ASRGL1: variants seen among roughly 807,000 people sequenced by gnomAD.
The protein encoded by ASRGL1 is asparaginase and isoaspartyl peptidase 1.
In ASRGL1, 16 loss-of-function variants were observed where a neutral mutation model predicts 22.4. That is an observed-to-expected ratio of 0.71 (90% CI 0.48 to 1.08). The LOEUF is 1.08. ASRGL1 is among the 50% of genes least tolerant of loss of function. ASRGL1 has a pLI of 0.00. For missense variants in ASRGL1, 412 were observed against 410.1 expected, an observed-to-expected ratio of 1.00 and a Z score of -0.04; for synonymous variants, 165 against 159.3, an observed-to-expected ratio of 1.04 and a Z score of -0.27.
intron 4 of ASRGL1, among the ~76,000 whole-genome samples, chr11:62,387,461 C>T (rs1325226972): frequency 1.3e-5 from 2 of 152,166 alleles, no homozygotes; most frequent in African/African-American, 2.4e-5. Context: ...CAAGAGATAT[C>T]GTGATCTGGA....
downstream of ASRGL1, among the ~76,000 whole-genome samples, chr11:62,394,211 TATATA>T (rs1947402239): frequency 3.8e-5 from 5 of 130,680 alleles, no homozygotes; most frequent in Admixed American, 1.6e-4. Flanking sequence ...TAATATATGA[TATATA>T]ATATTATATA....
intron 4 of ASRGL1, among the ~76,000 whole-genome samples, chr11:62,365,106 A>G (rs909935520): frequency 3.9e-5 from 6 of 152,052 alleles, no homozygotes; most frequent in African/African-American, 9.7e-5. Flanking sequence ...AATACATAGA[A>G]ACAATGAATG....
intron 2 of ASRGL1, among the ~76,000 whole-genome samples, chr11:62,348,403 T>C (rs1946083629): frequency 6.6e-6 from 1 of 151,808 alleles, no homozygotes; most frequent in Non-Finnish European, 1.5e-5. Context: ...GGGGCAGAGA[T>C]GAAATGAAAG....
rs1157277170 is a variant in ASRGL1, at chr11:62,392,150, C to T, written c.793C>T (p.Leu265Phe). The T allele has an allele frequency of 6.2e-7, 1 of 1,614,186 alleles. No individual in the cohort carries two copies. The highest frequency in any genetic ancestry group is 1.1e-5 in the South Asian group (1 of 91,080). The change falls in exon 7 of 7, where the codon CTC becomes TTC. Residue 265 changes from leucine to phenylalanine, a missense_variant. By Grantham distance (22) the Leu-to-Phe change is conservative. Transcript: ENST00000415229. ...GTCAAGGGTTAAAGGTTTAGGTGGC[C>T]TCATCGTGGTTAGCAAAACAGGAGA... ...MKSRVKGLGGLIVVSKTGDWV... is the reference protein window; with the variant it reads ...MKSRVKGLGGFIVVSKTGDWV...
intron 2 of ASRGL1, among the ~76,000 whole-genome samples, chr11:62,340,402 T>G (rs1297985690): frequency 1.3e-5 from 2 of 152,242 alleles, no homozygotes; most frequent in African/African-American, 4.8e-5. Context: ...GCTCTTTCTG[T>G]GGGTGACTTG....
At chr11:62,383,369 C>G (rs369876108) in intron 4 of ASRGL1, 1 of 151,568 alleles carries the variant, frequency 6.6e-6, no homozygotes, top group Admixed American at 6.6e-5. Flanking sequence ...TTTGGGAGGC[C>G]GAGGCGGGCG....
intron 2 of ASRGL1, among the ~76,000 whole-genome samples, chr11:62,338,985 AGGTTGAGGAGACCAAGATTTCCCT>A (rs1170200576): frequency 6.6e-6 from 1 of 151,336 alleles, no homozygotes; most frequent in African/African-American, 2.4e-5. Context: ...TTAAGATAAG[AGGTTGAGGAGACCAAGATTTCCCT>A]TAGGCAGAGG....
chr11:62,345,601 T>A (rs1405673373), intron 2 of ASRGL1, among the ~76,000 whole-genome samples: 1 of 152,086 alleles, frequency 6.6e-6, no homozygotes, highest in Non-Finnish European at 1.5e-5. Context: ...ATATTGCAAG[T>A]CCCCTGGTTA....
At chr11:62,354,036 C>G (rs1002220103) in intron 2 of ASRGL1, among the ~76,000 whole-genome samples, 1 of 152,218 alleles carries the variant, frequency 6.6e-6, no homozygotes, top group African/African-American at 2.4e-5. Context: ...GGCATGTAAT[C>G]AGGGCAGCAA....
Position 62,362,693 on chromosome 11 carries a change from T to TATATATTATATAAAA in ASRGL1, c.491+5549_491+5550insATATATTATATAAAA, listed in dbSNP as rs1565162501. Among the ~76,000 whole-genome samples, 5 of 80,020 alleles carry TATATATTATATAAAA rather than the reference T, an allele frequency of 6.2e-5. 1 individual carries two copies. Among genetic ancestry groups the TATATATTATATAAAA allele is most frequent in the African/African-American group, 2.7e-4 (5 of 18,854 alleles). 52.5% of individuals were successfully genotyped at this position (80,020 alleles called of 152,430 possible). On this transcript the variant is annotated intron_variant, in intron 4 of 6. Coordinates refer to ENST00000415229, the MANE Select transcript of ASRGL1 (RefSeq NM_001083926.2). ...TAATATATATTATATAAAATATATATTATATATTATATAAAATATATTATA... is the reference window on the plus strand; with the variant it reads ...TAATATATATTATATAAAATATATATATATATTATATAAAATATATATTATATAAAATATATTATA...
chr11:62,373,017 T>G, intron 4 of ASRGL1: 1 of 1,380,970 alleles, frequency 7.2e-7, no homozygotes, highest in Non-Finnish European at 1.0e-6. Flanking sequence ...CAAGCCCAAG[T>G]CTTCCACTGC....
chr11:62,384,556 A>G lies in ASRGL1; in HGVS notation c.492-4577A>G, dbSNP rs192524388. Among the ~76,000 whole-genome samples the G allele has an allele frequency of 2.9e-3, 442 of 152,162 alleles. 8 individuals are homozygous for G. Among genetic ancestry groups the G allele is most frequent in the Admixed American group, 0.027 (419 of 15,270 alleles). ...TACTCTTACCACAAAAAAATAAAGA[A>G]AGGTAATTGTGAGATGATAGGTATG... On this transcript the variant is annotated intron_variant, in intron 4 of 6. Coordinates refer to ENST00000415229, the MANE Select transcript of ASRGL1 (RefSeq NM_001083926.2).
chr11:62,374,406 C>T (rs189326662), intron 4 of ASRGL1, among the ~76,000 whole-genome samples: 10 of 152,220 alleles, frequency 6.6e-5, no homozygotes, highest in African/African-American at 2.4e-4. Context: ...CTCTTGGTTT[C>T]CAGAGGGTCT....
chr11:62,348,122 C>T (rs1016958005), intron 2 of ASRGL1, among the ~76,000 whole-genome samples: 4 of 152,008 alleles, frequency 2.6e-5, no homozygotes, highest in African/African-American at 9.7e-5. Context: ...GGATGTGCAT[C>T]GATTATATGC....
downstream of ASRGL1, among the ~76,000 whole-genome samples, chr11:62,396,351 C>T (rs1947433072): frequency 6.7e-6 from 1 of 149,750 alleles, no homozygotes; most frequent in Admixed American, 6.6e-5. Flanking sequence ...CCCCACCCCA[C>T]ATCCACACCC....
intron 2 of ASRGL1, among the ~76,000 whole-genome samples, chr11:62,347,519 G>A (rs942088644): frequency 5.3e-5 from 8 of 152,054 alleles, no homozygotes; most frequent in African/African-American, 7.2e-5. Flanking sequence ...CCACTTTGGC[G>A]CTTCCAAGTA....
intron 4 of ASRGL1, among the ~76,000 whole-genome samples, chr11:62,384,027 CGTGTGTGCGT>C (rs1489268550): frequency 1.5e-5 from 2 of 135,934 alleles, no homozygotes; most frequent in African/African-American, 2.7e-5. Context: ...TGTGTGTGCA[CGTGTGTGCGT>C]GTGTGTGTGT....
chr11:62,389,398 G>A (rs1432546688), intron 5 of ASRGL1, 147 bp downstream of exon 5: 2 of 798,218 alleles, frequency 2.5e-6, no homozygotes, highest in African/African-American at 3.4e-5. Context: ...GTGACAATGG[G>A]GTTGGAAGGG....
chr11:62,352,340 CT>C (rs1213379439), intron 2 of ASRGL1, among the ~76,000 whole-genome samples: 1 of 152,194 alleles, frequency 6.6e-6, no homozygotes, highest in African/African-American at 2.4e-5. Context: ...AATCCCAACA[CT>C]TTGGGAGGCC....
Sources: allele counts gnomAD v4.1 joint callset (sites outside exome capture counted in the v4.1 genomes callset), GRCh38; gene constraint gnomAD v4.1.1; transcripts MANE v1.5; gene names NCBI Gene and HGNC (gene_info 2026-07-23, HGNC 2026-07-21).